The following SAMD3 variants were observed in gnomAD, a reference collection of about 807,000 sequenced individuals.
SAMD3 encodes sterile alpha motif domain containing 3.
In SAMD3, 63 loss-of-function variants were observed where a neutral mutation model predicts 58.5. The observed-to-expected ratio is 1.08, with a 90% confidence interval of 0.88 to 1.33. SAMD3 has a LOEUF of 1.33. Ranked by LOEUF, SAMD3 falls within the 40% of genes most tolerant of loss-of-function variation. SAMD3 has a pLI of 0.00. For missense variants in SAMD3, 604 were observed against 608.4 expected (o/e 0.99, Z 0.08); for synonymous variants, 220 against 210.3 (o/e 1.05, Z -0.40).
chr6:130,356,344 G>A (rs1000917231), intron 1 of SAMD3, among the ~76,000 whole-genome samples: 1 of 152,128 alleles, frequency 6.6e-6, no homozygotes, highest in Non-Finnish European at 1.5e-5. Flanking sequence ...GTCTGCCCCG[G>A]CTACAGATAT....
At chr6:130,305,434 C>T (rs2114980164) in intron 2 of SAMD3, among the ~76,000 whole-genome samples, 1 of 152,178 alleles carries the variant, frequency 6.6e-6, no homozygotes, top group Admixed American at 6.5e-5. Context: ...ACTACCCTGT[C>T]TATAATCTCC....
At chr6:130,200,200 A>G (rs1043569167) in intron 5 of SAMD3, among the ~76,000 whole-genome samples, 1 of 152,042 alleles carries the variant, frequency 6.6e-6, no homozygotes, top group African/African-American at 2.4e-5. Flanking sequence ...CTTATCTACT[A>G]CCATGACATG....
intron 2 of SAMD3, among the ~76,000 whole-genome samples, chr6:130,242,933 G>A (rs947962050): frequency 7.2e-5 from 11 of 152,204 alleles, no homozygotes; most frequent in Non-Finnish European, 1.2e-4. Flanking sequence ...GTCAGCTGTG[G>A]CCATAGCTCA....
chr6:130,345,179 G>A (rs1030444268), intron 1 of SAMD3, among the ~76,000 whole-genome samples: 1 of 152,216 alleles, frequency 6.6e-6, no homozygotes. Flanking sequence ...GAATGGGAGT[G>A]GAGGTGGAAG....
intron 5 of SAMD3, among the ~76,000 whole-genome samples, chr6:130,191,581 C>A (rs1582863621): frequency 6.7e-6 from 1 of 150,248 alleles, no homozygotes; most frequent in Admixed American, 6.6e-5. Context: ...TATTTCTTTT[C>A]GAATTAGAGG....
At chr6:130,254,590 A>G (rs1194057376) in intron 2 of SAMD3, among the ~76,000 whole-genome samples, 4 of 152,108 alleles carry the variant, frequency 2.6e-5, no homozygotes, top group Non-Finnish European at 5.9e-5. Flanking sequence ...TGGCCTCCCC[A>G]AGTGCTGGGA....
At chr6:130,215,725 G>A (rs538166628) in intron 2 of SAMD3, 2 of 1,483,072 alleles carry the variant, frequency 1.3e-6, no homozygotes, top group East Asian at 2.5e-5. Flanking sequence ...GGAGAGGAAG[G>A]GAGGAAGGAT....
intron 1 of SAMD3, among the ~76,000 whole-genome samples, chr6:130,222,349 C>G (rs1270579218): frequency 6.6e-6 from 1 of 152,048 alleles, no homozygotes; most frequent in African/African-American, 2.4e-5. Context: ...CAATGAATTA[C>G]AGTAATTTAT....
rs1363834712 is a variant in SAMD3 at position 130,154,711 on chromosome 6, AAAAAAAAATATATAT to A, written c.1023+99_1023+113del. The A allele has an allele frequency of 3.0e-3, 381 of 127,016 alleles. 1 individual carries two copies. Among genetic ancestry groups the A allele is most frequent in the African/African-American group, 4.8e-3 (134 of 27,744 alleles). 7.9% of individuals were successfully genotyped at this position (127,016 alleles called of 1,614,324 possible). On this transcript the variant is annotated intron_variant, in intron 9 of 11. Coordinates refer to ENST00000439090, the MANE Select transcript of SAMD3 (RefSeq NM_001017373.4). ...ACTCTGTCTGAAAAAAAAAAAAAAA[AAAAAAAAATATATAT>A]ATATATATATATATATGTATGTATA...
intron 1 of SAMD3, among the ~76,000 whole-genome samples, chr6:130,325,635 T>C (rs1388337580): frequency 6.6e-6 from 1 of 152,194 alleles, no homozygotes; most frequent in Non-Finnish European, 1.5e-5. Flanking sequence ...CCAGAAATAA[T>C]ACTTTACCAG....
intron 7 of SAMD3, among the ~76,000 whole-genome samples, chr6:130,182,272 T>A (rs1030455221): frequency 1.3e-5 from 2 of 152,172 alleles, no homozygotes; most frequent in African/African-American, 4.8e-5. Flanking sequence ...GTTTTGTTTT[T>A]TTAGAGGAAA....
chr6:130,260,732 G>A (rs772323240), intron 2 of SAMD3, among the ~76,000 whole-genome samples: 11 of 152,230 alleles, frequency 7.2e-5, no homozygotes, highest in South Asian at 2.1e-4. Flanking sequence ...CAAGCCATGC[G>A]GATCCTGAGA....
chr6:130,252,027 C>T lies in SAMD3; in HGVS notation c.-187-29214G>A, dbSNP rs954140138. Among the ~76,000 whole-genome samples, 6 of 151,526 alleles carry T rather than the reference C, an allele frequency of 4.0e-5. 1 individual carries two copies. Among genetic ancestry groups the T allele is most frequent in the Admixed American group, 3.9e-4 (6 of 15,194 alleles). ...CTATTGAAGGCTCCATTATTGTTGT[C>T]TTCTTCTCTCTTCAGTTCTGTCTGT... On this transcript the variant is annotated intron_variant, in intron 2 of 13. Coordinates refer to the SAMD3 transcript ENST00000368134.
chr6:130,156,587 A>G (rs1582739863), intron 8 of SAMD3, among the ~76,000 whole-genome samples: 2 of 152,220 alleles, frequency 1.3e-5, no homozygotes, highest in Non-Finnish European at 2.9e-5. Flanking sequence ...TACGTTTCAC[A>G]TACTATCATA....
At chr6:130,154,544 A>C (rs1245011667) in intron 9 of SAMD3, among the ~76,000 whole-genome samples, 1 of 151,446 alleles carries the variant, frequency 6.6e-6, no homozygotes, top group Admixed American at 6.6e-5. Context: ...AAATACAAAA[A>C]CTAGTTGGGC....
chr6:130,178,297 AC>A (rs1362105842), intron 7 of SAMD3, among the ~76,000 whole-genome samples: 1 of 151,282 alleles, frequency 6.6e-6, no homozygotes, highest in Non-Finnish European at 1.5e-5. Flanking sequence ...CTTCTTGAAG[AC>A]AGTGCCTTAG....
In SAMD3 at chr6:130,204,765, C is replaced by CT. The variant is rs112982780; in HGVS notation, c.383+4729dup. Among the ~76,000 whole-genome samples the CT allele has an allele frequency of 1.6e-3, 198 of 126,680 alleles. 1 individual carries two copies. The highest frequency in any genetic ancestry group is 7.5e-3 in the East Asian group (33 of 4,390). 83.1% of individuals were successfully genotyped at this position (126,680 alleles called of 152,430 possible). ...GCCAGAGTCAGGTGAATTTCCAGGC[C>CT]TTTTTTTTTTTTTTTTTGTCAGCAC... On this transcript the variant is annotated intron_variant, in intron 5 of 11. Coordinates refer to ENST00000439090, the MANE Select transcript of SAMD3 (RefSeq NM_001017373.4).
chr6:130,153,647 C>CATATATATAGATATATATATAT (rs1789422201), intron 9 of SAMD3, among the ~76,000 whole-genome samples: 1 of 96,702 alleles, frequency 1.0e-5, no homozygotes. Context: ...CATTAAATTT[C>CATATATATAGATATATATATAT]ATATATATAT....
At chr6:130,183,585 T>G (rs962328452) in intron 7 of SAMD3, 2 of 356,256 alleles carry the variant, frequency 5.6e-6, no homozygotes, top group African/African-American at 2.1e-5. Flanking sequence ...TCCTAACCCT[T>G]AAAACCCTTA....
Sources: allele counts gnomAD v4.1 joint callset (sites outside exome capture counted in the v4.1 genomes callset), GRCh38; gene constraint gnomAD v4.1.1; transcripts MANE v1.5; gene names NCBI Gene and HGNC (gene_info 2026-07-23, HGNC 2026-07-21).